Variants in ECT2 observed in about 807,000 individuals in gnomAD.
ECT2 encodes the protein epithelial cell transforming 2.
A neutral mutation model predicts 116.9 loss-of-function variants in ECT2; 61 were observed. That is an observed-to-expected ratio of 0.52 (90% CI 0.42 to 0.65). The LOEUF (loss-of-function observed/expected upper bound fraction) is 0.65. ECT2 is among the 30% of genes least tolerant of loss of function. ECT2 has a pLI of 0.00. For synonymous variants in ECT2, 358 were observed against 346.4 expected, an observed-to-expected ratio of 1.03 and a Z score of -0.37; for missense variants, 937 against 1,078.7, an observed-to-expected ratio of 0.87 and a Z score of 1.84.
intron 5 of ECT2, among the ~76,000 whole-genome samples, chr3:172,757,921 ATC>A (rs762385221): frequency 2.0e-5 from 3 of 151,946 alleles, no homozygotes; most frequent in African/African-American, 7.3e-5. Context: ...TAAATACACG[ATC>A]TCTGCTCACT....
chr3:172,760,432 C>CTTTCT (rs201951082), intron 7 of ECT2, among the ~76,000 whole-genome samples, 169 bp downstream of exon 7: 29 of 151,672 alleles, frequency 1.9e-4, no homozygotes, highest in African/African-American at 4.4e-4. Context: ...GTTAAATTTT[C>CTTTCT]TTTCTTTTCT....
In ECT2 at chr3:172,774,302, A is replaced by G. The variant is rs112374512; in HGVS notation, c.1548+280A>G. Among the ~76,000 whole-genome samples the G allele has an allele frequency of 6.1e-3, 931 of 152,186 alleles. 14 individuals carry two copies. The highest frequency in any genetic ancestry group is 0.022 in the African/African-American group (895 of 41,522). On this transcript the variant is annotated intron_variant, in intron 14 of 24. Transcript: ENST00000392692. The stretch of plus-strand genomic sequence containing the variant: ...AACCTCTGCCACCTGGGCTCAAGCA[A>G]TTCTCCCGCTGCCTAAGTCCTGAGT...
intron 14 of ECT2, among the ~76,000 whole-genome samples, chr3:172,776,777 C>T (rs1332948882): frequency 4.6e-5 from 7 of 152,052 alleles, no homozygotes; most frequent in Admixed American, 2.6e-4. Flanking sequence ...TACAGTTTTT[C>T]GTATCATCTC....
chr3:172,795,868 A>G (rs952364599), intron 18 of ECT2, among the ~76,000 whole-genome samples: 1 of 152,196 alleles, frequency 6.6e-6, no homozygotes, highest in African/African-American at 2.4e-5. Flanking sequence ...GGCTTCTTAA[A>G]TTTTATAAAA....
At position 172,762,938 on chromosome 3, in the gene ECT2, C is replaced by T. The variant is rs750766918; in HGVS notation, c.1034C>T (p.Ala345Val). 4 of 1,613,744 alleles carry T rather than the reference C, an allele frequency of 2.5e-6. No homozygotes were observed. The highest frequency in any genetic ancestry group is 3.4e-6 in the Non-Finnish European group (4 of 1,179,788). ...EWFWGSIQMD[A>V]RAGETMYLYE... ...TTCTGGGGAAGCATTCAAATGGATG[C>T]CCGAGCTGGAGAAACTATGTATTTA... The change falls in exon 11 of 25, where the codon GCC becomes GTC. Residue 345 changes from alanine to valine, a missense_variant. Transcript: ENST00000392692.
chr3:172,755,527 T>A lies in ECT2; in HGVS notation c.255T>A (p.Ser85Arg), dbSNP rs1431138481. Reference protein sequence around the residue: ...MEVPVIKIKESCPGKSDEKLI... With the variant: ...MEVPVIKIKERCPGKSDEKLI... Reference sequence around the variant, plus strand: ...TCCCTGTTATAAAGATAAAAGAAAGTTGTCCTGGAAAATCGGATGAAAAAT... The same window carrying A: ...TCCCTGTTATAAAGATAAAAGAAAGATGTCCTGGAAAATCGGATGAAAAAT... Residue 85 changes from serine to arginine, a missense_variant, in exon 4 of 25, where the codon AGT (serine) becomes AGA (arginine). By Grantham distance (110) the Ser-to-Arg change is moderately radical. Transcript: ENST00000392692. 5 of 1,505,832 alleles carry A rather than the reference T, an allele frequency of 3.3e-6. No homozygotes were observed. Among genetic ancestry groups the A allele is most frequent in the African/African-American group, 1.4e-5 (1 of 71,378 alleles). The allele number at this position is 1,505,832 out of a possible 1,614,324, so 93.3% of individuals were successfully genotyped here. A position where few individuals can be genotyped will look rare whatever the true frequency, so the allele number is the denominator to read the frequency against.
intron 11 of ECT2, among the ~76,000 whole-genome samples, chr3:172,763,847 G>T (rs1194208789): frequency 6.6e-6 from 1 of 152,186 alleles, no homozygotes. Flanking sequence ...GAAATGTGAA[G>T]TTCTTAAAGT....
intron 18 of ECT2, among the ~76,000 whole-genome samples, chr3:172,789,220 G>GTT (rs71162311): frequency 1.8e-5 from 2 of 108,892 alleles, no homozygotes; most frequent in African/African-American, 6.4e-5. Context: ...CTCTTTTTTT[G>GTT]TTTTTTTTTT....
intron 24 of ECT2, among the ~76,000 whole-genome samples, chr3:172,819,344 T>C (rs557456243): frequency 2.0e-5 from 3 of 152,242 alleles, no homozygotes; most frequent in Admixed American, 2.0e-4. Flanking sequence ...TAATTTATTT[T>C]GATTTACAGT....
chr3:172,758,015 G>A (rs186476897), intron 5 of ECT2, among the ~76,000 whole-genome samples: 15 of 152,010 alleles, frequency 9.9e-5, no homozygotes, highest in South Asian at 2.1e-4. Flanking sequence ...ATGCCACCAC[G>A]CCTGGCTAAG....
chr3:172,812,061 T>C (rs7648134), intron 22 of ECT2, among the ~76,000 whole-genome samples: 151,756 of 151,764 alleles, frequency 1, 75,874 homozygotes, highest in Middle Eastern at 1. Context: ...CTTGGCTCAC[T>C]ACAACCTCTA....
rs1355879105 is a variant in ECT2, at chr3:172,757,158, A to C, written c.479A>C (p.Lys160Thr). 3.3e-6 allele frequency: 5 copies of C among 1,500,644 alleles called. No individual in the cohort carries two copies. The highest frequency in any genetic ancestry group is 4.4e-6 in the Non-Finnish European group (5 of 1,129,474). The allele number at this position is 1,500,644 out of a possible 1,614,324, so 93.0% of individuals were successfully genotyped here. A position where few individuals can be genotyped will look rare whatever the true frequency, so the allele number is the denominator to read the frequency against. ...GPPVVLNCSQ[K>T]GEPLPFSCRP... ...CCAGTTGTATTAAATTGTTCACAAA[A>C]AGGAGAGGTAAGCATATACATTTAT... The change falls in exon 5 of 25, where the codon AAA becomes ACA. Residue 160 changes from lysine (K) to threonine (T), a missense_variant. Coordinates refer to ENST00000392692, the MANE Select transcript of ECT2 (RefSeq NM_001258315.2).
chr3:172,775,087 A>G (rs746777982), intron 14 of ECT2, among the ~76,000 whole-genome samples: 6 of 152,238 alleles, frequency 3.9e-5, no homozygotes, highest in African/African-American at 1.2e-4. Flanking sequence ...TGTGAATTCC[A>G]GGTGTCAATC....
At chr3:172,828,839 G>A in the ECT2 span, 1 of 914,234 alleles carries the variant, frequency 1.1e-6, no homozygotes, top group Admixed American at 1.9e-5. Context: ...CTGCCTGAGA[G>A]ATGAGTGCCT....
intron 16 of ECT2, among the ~76,000 whole-genome samples, chr3:172,784,418 A>G (rs1723254087): frequency 6.6e-6 from 1 of 152,100 alleles, no homozygotes; most frequent in Admixed American, 6.6e-5. Context: ...TTAATATTAA[A>G]TGTGCTTTTT....
the ECT2 span, among the ~76,000 whole-genome samples, chr3:172,827,978 ATTATT>A: frequency 6.6e-6 from 1 of 152,220 alleles, no homozygotes; most frequent in Admixed American, 6.5e-5. Flanking sequence ...CAATACTCTT[ATTATT>A]CAAAGATGAT....
At chr3:172,794,198 A>T (rs1212799927) in intron 18 of ECT2, among the ~76,000 whole-genome samples, 4 of 151,900 alleles carry the variant, frequency 2.6e-5, no homozygotes, top group African/African-American at 4.8e-5. Context: ...TTTTTTTCTT[A>T]TTTTCTTTAA....
chr3:172,783,763 C>A (rs747908120), intron 15 of ECT2, 36 bp from the exon 16 acceptor site: 2 of 1,331,956 alleles, frequency 1.5e-6, no homozygotes, highest in African/African-American at 2.9e-5. Flanking sequence ...GTGACAAATG[C>A]ATAATAAATA....
At chr3:172,771,659 C>T (rs965363014) in intron 13 of ECT2, among the ~76,000 whole-genome samples, 1 of 152,096 alleles carries the variant, frequency 6.6e-6, no homozygotes, top group Non-Finnish European at 1.5e-5. Context: ...TAATATCTGA[C>T]TTGCATTTCA....
Sources: allele counts gnomAD v4.1 joint callset (sites outside exome capture counted in the v4.1 genomes callset), GRCh38; gene constraint gnomAD v4.1.1; transcripts MANE v1.5; gene names NCBI Gene and HGNC (gene_info 2026-07-23, HGNC 2026-07-21).